The following PLA2G4C variants were observed in gnomAD, a reference collection of about 807,000 sequenced individuals.
PLA2G4C encodes the protein phospholipase A2 group IVC.
PLA2G4C carries 64 observed loss-of-function variants against 73.8 expected under a neutral mutation model. That is an observed-to-expected ratio of 0.87 (90% CI 0.71 to 1.07). PLA2G4C has a LOEUF of 1.07. Among genes scored for constraint, PLA2G4C ranks in the 50% least tolerant of loss-of-function variants. PLA2G4C has a pLI of 0.00. For synonymous variants in PLA2G4C, 254 were observed against 252.1 expected (o/e 1.01, Z -0.07); for missense variants, 622 against 665.4 (o/e 0.93, Z 0.72).
intron 14 of PLA2G4C, among the ~76,000 whole-genome samples, chr19:48,055,680 G>A (rs1208890573): frequency 6.6e-6 from 1 of 151,740 alleles, no homozygotes; most frequent in Non-Finnish European, 1.5e-5. Flanking sequence ...CACTCTTGTT[G>A]CCCAGGCTGG....
rs373492146 is a variant in PLA2G4C at position 48,104,732 on chromosome 19, T to A, written c.121-8A>T. 1.2e-6 allele frequency: 2 copies of A among 1,613,272 alleles called. No individual in the cohort carries two copies. The highest frequency in any genetic ancestry group is 2.2e-5 in the South Asian group (2 of 91,008). On this transcript the variant is annotated splice_region_variant and splice_polypyrimidine_tract_variant and intron_variant, in intron 3 of 16. Coordinates refer to ENST00000599921, the MANE Select transcript of PLA2G4C (RefSeq NM_003706.3). ...CACAGCAACAACTGGGGCCTAGGCATTGGGGAGAAAATCGATCAGAGGTTT... is the reference window on the plus strand; with the variant it reads ...CACAGCAACAACTGGGGCCTAGGCAATGGGGAGAAAATCGATCAGAGGTTT...
At chr19:48,080,303 C>G (rs763427155) in intron 10 of PLA2G4C, among the ~76,000 whole-genome samples, 3 of 152,080 alleles carry the variant, frequency 2.0e-5, no homozygotes, top group Non-Finnish European at 2.9e-5. Context: ...ACAAGAATGG[C>G]CATTGATAAA....
At chr19:48,079,566 C>A (rs963569416) in intron 10 of PLA2G4C, among the ~76,000 whole-genome samples, 1 of 152,050 alleles carries the variant, frequency 6.6e-6, no homozygotes, top group Non-Finnish European at 1.5e-5. Flanking sequence ...AATATAAGAC[C>A]AGAAACCATA....
intron 6 of PLA2G4C, 148 bp downstream of exon 6, chr19:48,097,991 C>T (rs571858733): frequency 1.6e-5 from 13 of 809,732 alleles, no homozygotes; most frequent in Middle Eastern, 3.8e-4. Context: ...CCTCTTCTCT[C>T]GTCTAAGCTG....
Position 48,095,345 on chromosome 19 carries a change from A to G in PLA2G4C, c.709+119T>C, listed in dbSNP as rs1487724613. ...CATTCCTCTTTCTGGAAGCCTACCA[A>G]GTCCTTTTCTTTCCCCCAAGAAATT... On this transcript the variant is annotated intron_variant, in intron 7 of 16. Coordinates refer to ENST00000599921, the MANE Select transcript of PLA2G4C (RefSeq NM_003706.3). The G allele has an allele frequency of 7.9e-6, 7 of 885,932 alleles. No homozygotes were observed. In the East Asian group the frequency reaches 1.5e-4, roughly 18 times the overall value. The allele number at this position is 885,932 out of a possible 1,614,324, so 54.9% of individuals were successfully genotyped here. A position where few individuals can be genotyped will look rare whatever the true frequency, so the allele number is the denominator to read the frequency against.
At chr19:48,054,113 C>G (rs908417460) in intron 15 of PLA2G4C, among the ~76,000 whole-genome samples, 3 of 152,116 alleles carry the variant, frequency 2.0e-5, no homozygotes, top group Non-Finnish European at 2.9e-5. Context: ...AAGATGTCCC[C>G]AGGGCACAGC....
At chr19:48,068,732 A>G (rs1297730172) in intron 12 of PLA2G4C, among the ~76,000 whole-genome samples, 1 of 115,534 alleles carries the variant, frequency 8.7e-6, no homozygotes, top group Non-Finnish European at 1.9e-5. Flanking sequence ...CCTTGTATCT[A>G]AAAAAAAAAA....
chr19:48,059,341 C>T (rs1020060453), intron 14 of PLA2G4C, among the ~76,000 whole-genome samples: 1 of 151,912 alleles, frequency 6.6e-6, no homozygotes, highest in African/African-American at 2.4e-5. Context: ...TCATCTCATG[C>T]AATATGTCAA....
At chr19:48,087,872 T>C (rs1432842432) in intron 9 of PLA2G4C, among the ~76,000 whole-genome samples, 1 of 150,580 alleles carries the variant, frequency 6.6e-6, no homozygotes, top group Non-Finnish European at 1.5e-5. Context: ...AGGCGGAGGT[T>C]GTGGGGTGAG....
Position 48,072,818 on chromosome 19 carries a change from A to C in PLA2G4C, c.1006+1949T>G, listed in dbSNP as rs888251112. On this transcript the variant is annotated intron_variant, in intron 12 of 16. Transcript: ENST00000599921. This position sits in a 1 kb window ranked among gnomAD's most constrained non-coding sequence, Gnocchi z 4.4. ...ATTTCCTTTCCTTGGTGAGCTGCTG[A>C]TGAGCTGGTCAGGAGGACTCTGGGT... The C allele has an allele frequency of 6.6e-6, 1 of 152,272 alleles. No individual in the cohort carries two copies. Among genetic ancestry groups the C allele is most frequent in the African/African-American group, 2.4e-5 (1 of 41,456 alleles). The allele number at this position is 152,272 out of a possible 1,614,324, so 9.4% of individuals were successfully genotyped here.
In PLA2G4C at chr19:48,067,878, T is replaced by G. The variant is rs879740469; in HGVS notation, c.1015A>C (p.Ser339Arg). 3.1e-6 allele frequency: 5 copies of G among 1,612,366 alleles called. No homozygotes were observed. Among genetic ancestry groups the G allele is most frequent in the Non-Finnish European group, 4.2e-6 (5 of 1,178,500 alleles). ...HEDPERKGSL[S>R]NLMDFVKKTG... ...TTCTTCACAAAATCCATCAAGTTAC[T>G]GAGTGAGCCTAGGGAAAGAAGCCGA... The change falls in exon 13 of 17, where the codon AGT (serine) becomes CGT (arginine). Residue 339 changes from serine (S) to arginine (R), a missense_variant. Ser to Arg is a moderately radical substitution (Grantham distance 110, BLOSUM62 -1). Transcript: ENST00000599921.
chr19:48,074,925 A>T, intron 11 of PLA2G4C, 51 bp from the exon 12 acceptor site: 1 of 1,152,416 alleles, frequency 8.7e-7, no homozygotes, highest in Non-Finnish European at 1.3e-6. Context: ...TACCCTACCA[A>T]GAACATCACA....
At chr19:48,067,394 C>T (rs1786452226) in intron 13 of PLA2G4C, among the ~76,000 whole-genome samples, 1 of 152,066 alleles carries the variant, frequency 6.6e-6, no homozygotes, top group Non-Finnish European at 1.5e-5. Context: ...TCTTGAACTC[C>T]TGACCTCAAG....
At chr19:48,052,939 C>A in intron 16 of PLA2G4C, 58 bp downstream of exon 16, 1 of 1,539,602 alleles carries the variant, frequency 6.5e-7, no homozygotes, top group Non-Finnish European at 8.8e-7. Flanking sequence ...AGAAAGTTCT[C>A]CAACAGATAC....
At chr19:48,055,231 C>T (rs902427815) in intron 14 of PLA2G4C, among the ~76,000 whole-genome samples, 182 bp from the exon 15 acceptor site, 1 of 151,196 alleles carries the variant, frequency 6.6e-6, no homozygotes, top group Non-Finnish European at 1.5e-5. Context: ...TGCCATCACC[C>T]GCACTCCCCA....
chr19:48,102,309 G>A (rs879694860), intron 4 of PLA2G4C, among the ~76,000 whole-genome samples: 4 of 151,728 alleles, frequency 2.6e-5, no homozygotes, highest in Admixed American at 6.6e-5. Flanking sequence ...TGGCCAACAC[G>A]GGGAAACTCC....
At chr19:48,079,636 CA>C (rs1187816103) in intron 10 of PLA2G4C, among the ~76,000 whole-genome samples, 3 of 152,172 alleles carry the variant, frequency 2.0e-5, no homozygotes, top group Non-Finnish European at 2.9e-5. Flanking sequence ...GCAACGAGTT[CA>C]TGACCAAGAG....
At chr19:48,105,920 TCCC>T (rs1568457407) in intron 2 of PLA2G4C, among the ~76,000 whole-genome samples, 17 of 16,534 alleles carry the variant, frequency 1.0e-3, no homozygotes, top group African/African-American at 2.4e-3. Flanking sequence ...CCTCCCTCCC[TCCC>T]TCCCTCCCTC....
At chr19:48,090,661 G>A in intron 7 of PLA2G4C, 1 of 497,510 alleles carries the variant, frequency 2.0e-6, no homozygotes. Flanking sequence ...TCTATGGGTG[G>A]AGCCAGCCGG....
Sources: allele counts gnomAD v4.1 joint callset (sites outside exome capture counted in the v4.1 genomes callset), GRCh38; gene constraint gnomAD v4.1.1; non-coding constraint Gnocchi (gnomAD v3.1); transcripts MANE v1.5; gene names NCBI Gene and HGNC (gene_info 2026-07-23, HGNC 2026-07-21).